OR52N4: variants seen among roughly 807,000 people sequenced by gnomAD.
OR52N4 encodes the protein olfactory receptor 52N4.
Under a neutral mutation model 15.0 loss-of-function variants are expected in OR52N4, and 15 were observed. That is an observed-to-expected ratio of 1.00 (90% CI 0.67 to 1.54). OR52N4 has a LOEUF of 1.54. Among genes scored for constraint, OR52N4 ranks in the 40% most tolerant of loss-of-function variants. OR52N4 has a pLI of 0.00. For missense variants in OR52N4, 421 were observed against 394.0 expected, an observed-to-expected ratio of 1.07 and a Z score of -0.58; for synonymous variants, 143 against 143.7, an observed-to-expected ratio of 1.00 and a Z score of 0.03.
the OR52N4 span, chr11:5,737,891 G>A: frequency 6.1e-6 from 1 of 163,400 alleles, no homozygotes; most frequent in Non-Finnish European, 1.3e-5. Context: ...TAACTTGGGA[G>A]CTGTAACTTG....
upstream of OR52N4, among the ~76,000 whole-genome samples, chr11:5,749,735 C>G (rs1854150989): frequency 6.6e-6 from 1 of 151,790 alleles, no homozygotes. Flanking sequence ...GTTGGGTCTA[C>G]TAGATTGGAG....
At chr11:5,728,708 T>C in the OR52N4 span, among the ~76,000 whole-genome samples, 3 of 152,222 alleles carry the variant, frequency 2.0e-5, no homozygotes, top group African/African-American at 7.2e-5. Context: ...GCTCTGTCTC[T>C]GTCAGGAATA....
At chr11:5,753,096 T>G (rs191161348), upstream of OR52N4, among the ~76,000 whole-genome samples, 1 of 152,296 alleles carries the variant, frequency 6.6e-6, no homozygotes, top group African/African-American at 2.4e-5. Context: ...ACAAATCATG[T>G]TTCAATAAGC....
chr11:5,743,687 A>C, the OR52N4 span, among the ~76,000 whole-genome samples: 2 of 152,230 alleles, frequency 1.3e-5, no homozygotes, highest in Non-Finnish European at 2.9e-5. Flanking sequence ...GAAACACATG[A>C]AATAGAGACA....
the OR52N4 span, among the ~76,000 whole-genome samples, chr11:5,738,689 T>C: frequency 2.6e-5 from 4 of 152,292 alleles, no homozygotes; most frequent in Non-Finnish European, 5.9e-5. Flanking sequence ...TGATCAGATA[T>C]AAAGACACTG....
At chr11:5,729,403 A>G in the OR52N4 span, among the ~76,000 whole-genome samples, 1 of 152,126 alleles carries the variant, frequency 6.6e-6, no homozygotes, top group Non-Finnish European at 1.5e-5. Context: ...TACAGGCGTG[A>G]GCCACCGTGC....
the OR52N4 span, chr11:5,737,309 G>T: frequency 6.2e-7 from 1 of 1,614,060 alleles, no homozygotes. Context: ...CACTATTGTT[G>T]TAGTGATTTC....
At chr11:5,737,515 A>C in the OR52N4 span, 76 of 1,579,716 alleles carry the variant, frequency 4.8e-5, no homozygotes, top group Admixed American at 2.5e-4. Context: ...GATGTACATG[A>C]ACCTCAGCTT....
chr11:5,731,192 G>T, the OR52N4 span, among the ~76,000 whole-genome samples: 1 of 152,156 alleles, frequency 6.6e-6, no homozygotes, highest in African/African-American at 2.4e-5. Context: ...ATATTTGGCA[G>T]ATTATGAAAA....
the OR52N4 span, among the ~76,000 whole-genome samples, chr11:5,744,392 AG>A: frequency 6.6e-6 from 1 of 152,216 alleles, no homozygotes; most frequent in Admixed American, 6.5e-5. Flanking sequence ...AAGCCGGGTA[AG>A]GACGCAACAA....
chr11:5,750,610 TGTCA>T (rs1020672064), upstream of OR52N4, among the ~76,000 whole-genome samples: 1 of 151,998 alleles, frequency 6.6e-6, no homozygotes, highest in African/African-American at 2.4e-5. Context: ...CCACTGTCAC[TGTCA>T]GTTATTTTGC....
At chr11:5,736,838 G>C in the OR52N4 span, 1 of 1,613,956 alleles carries the variant, frequency 6.2e-7, no homozygotes, top group Non-Finnish European at 8.5e-7. Flanking sequence ...TGAGTGCTTT[G>C]CTCAGATTTA....
At chr11:5,743,022 G>A in the OR52N4 span, among the ~76,000 whole-genome samples, 1 of 152,084 alleles carries the variant, frequency 6.6e-6, no homozygotes, top group Non-Finnish European at 1.5e-5. Flanking sequence ...GACATTCACA[G>A]GCTCAAAGCA....
chr11:5,735,822 G>C, the OR52N4 span, among the ~76,000 whole-genome samples: 1 of 152,098 alleles, frequency 6.6e-6, no homozygotes, highest in African/African-American at 2.4e-5. Context: ...ACTGTTCAAT[G>C]GTTAGAAGGT....
chr11:5,727,205 G>A, the OR52N4 span: 1 of 153,074 alleles, frequency 6.5e-6, no homozygotes, highest in Non-Finnish European at 1.5e-5. Flanking sequence ...CATGAAGCTC[G>A]GTCCAAGGCC....
At chr11:5,754,624 T>A in intron 1 of OR52N4, 69 bp from the exon 2 acceptor site, 1 of 1,134,456 alleles carries the variant, frequency 8.8e-7, no homozygotes. Context: ...ATGGAATTTT[T>A]AAAAGTTGGG....
At chr11:5,730,985 T>C in the OR52N4 span, among the ~76,000 whole-genome samples, 2 of 152,154 alleles carry the variant, frequency 1.3e-5, no homozygotes, top group African/African-American at 2.4e-5. Context: ...CTTCAAATTA[T>C]ATTAGTATTT....
In OR52N4 at chr11:5,755,911, C is replaced by G; in HGVS notation, c.*205C>G. 3.4e-6 allele frequency: 2 copies of G among 592,324 alleles called. No homozygotes were observed. Among genetic ancestry groups the G allele is most frequent in the Non-Finnish European group, 5.8e-6 (2 of 345,052 alleles). 36.7% of individuals were successfully genotyped at this position (592,324 alleles called of 1,614,324 possible). A position where few individuals can be genotyped will look rare whatever the true frequency, so the allele number is the denominator to read the frequency against. On this transcript the variant is annotated 3_prime_UTR_variant, in exon 2 of 2. Coordinates refer to ENST00000641350, the MANE Select transcript of OR52N4 (RefSeq NM_001005175.5). Reference sequence around the variant, plus strand: ...TCTATAAATTTTTTACCTTCTCACTCATGTGAAGGACCAGTCTAATAATTA... The same window carrying G: ...TCTATAAATTTTTTACCTTCTCACTGATGTGAAGGACCAGTCTAATAATTA...
At chr11:5,744,938 C>A in the OR52N4 span, among the ~76,000 whole-genome samples, 1 of 151,958 alleles carries the variant, frequency 6.6e-6, no homozygotes, top group Non-Finnish European at 1.5e-5. Flanking sequence ...AACAAACAAA[C>A]AAAAAACATA....
Sources: gnomAD v4.1 joint callset for allele counts (sites outside exome capture counted in the v4.1 genomes callset) on GRCh38, gnomAD v4.1.1 for gene constraint, MANE v1.5 for transcripts, NCBI Gene and HGNC (gene_info 2026-07-23, HGNC 2026-07-21) for gene names.